The following SAMSN1 variants were observed in gnomAD, a reference collection of about 807,000 sequenced individuals.
SAMSN1 encodes the protein SAM domain-containing protein SAMSN-1.
SAMSN1 carries 31 observed loss-of-function variants against 42.0 expected under a neutral mutation model. That is an observed-to-expected ratio of 0.74 (90% CI 0.55 to 1.00). The LOEUF (loss-of-function observed/expected upper bound fraction) is 1.00. SAMSN1 is among the 50% of genes least tolerant of loss of function. The probability of loss-of-function intolerance (pLI) is 0.00; values close to 1 mark genes in which losing one functional copy is unlikely to be tolerated. For synonymous variants in SAMSN1, 178 were observed against 151.9 expected, an observed-to-expected ratio of 1.17 and a Z score of -1.26; for missense variants, 464 against 439.4, an observed-to-expected ratio of 1.06 and a Z score of -0.50.
intron 1 of SAMSN1, among the ~76,000 whole-genome samples, chr21:14,655,609 C>A (rs1359217851): frequency 1.3e-5 from 2 of 151,408 alleles, no homozygotes; most frequent in African/African-American, 2.4e-5. Flanking sequence ...AAAGTTTACC[C>A]ACGTCAAAAT....
At chr21:14,547,291 T>C (rs887014332), upstream of SAMSN1, among the ~76,000 whole-genome samples, 5 of 152,196 alleles carry the variant, frequency 3.3e-5, no homozygotes, top group African/African-American at 1.2e-4. Context: ...ATACTGATAA[T>C]TGCTGCCCTG....
At chr21:14,527,787 A>G (rs13048868) in intron 1 of SAMSN1, among the ~76,000 whole-genome samples, 1 of 150,604 alleles carries the variant, frequency 6.6e-6, no homozygotes, top group Non-Finnish European at 1.5e-5. Context: ...AAAAAAATGC[A>G]GAATGATCCA....
chr21:14,567,096 A>G (rs1186750657), intron 2 of SAMSN1, among the ~76,000 whole-genome samples: 3 of 152,154 alleles, frequency 2.0e-5, no homozygotes, highest in Non-Finnish European at 4.4e-5. Context: ...GCCTTCGGTC[A>G]TACAGAGTGG....
intron 2 of SAMSN1, among the ~76,000 whole-genome samples, chr21:14,578,549 G>T (rs942507453): frequency 1.6e-4 from 25 of 152,068 alleles, no homozygotes; most frequent in African/African-American, 6.0e-4. Flanking sequence ...CGGGCATGGT[G>T]GCGGGCACCT....
rs149170440 is a variant in SAMSN1, at chr21:14,639,779, G to A, written c.156+3223C>T. 3.6e-3 allele frequency among the ~76,000 whole-genome samples: 548 copies of A among 152,024 alleles called. 4 individuals are homozygous for A. Among genetic ancestry groups the A allele is most frequent in the Middle Eastern group, 0.014 (4 of 294 alleles). ...TTTTTTTCAGCGCATTTACTTAGCCGCATGCTTGTTCACTCCCGCTAGTTT... is the reference window on the plus strand; with the variant it reads ...TTTTTTTCAGCGCATTTACTTAGCCACATGCTTGTTCACTCCCGCTAGTTT... On this transcript the variant is annotated intron_variant, in intron 2 of 15. Coordinates refer to the SAMSN1 transcript ENST00000647101.
At chr21:14,533,777 A>G (rs1461130123) in intron 1 of SAMSN1, among the ~76,000 whole-genome samples, 2 of 152,232 alleles carry the variant, frequency 1.3e-5, no homozygotes, top group Non-Finnish European at 2.9e-5. Context: ...AAGAAACCCT[A>G]CACAGGACAC....
intron 1 of SAMSN1, among the ~76,000 whole-genome samples, chr21:14,653,645 G>A (rs1378815402): frequency 6.6e-6 from 1 of 151,976 alleles, no homozygotes; most frequent in Non-Finnish European, 1.5e-5. Flanking sequence ...ATAATTTAAA[G>A]GGTGTAAGTG....
At chr21:14,569,135 A>T (rs115841830) in intron 2 of SAMSN1, among the ~76,000 whole-genome samples, 1,939 of 152,130 alleles carry the variant, frequency 0.013, 28 homozygotes, top group African/African-American at 0.042. Flanking sequence ...TATTTAAAAA[A>T]AAAAATAAAA....
At chr21:14,539,646 A>G (rs1979872955) in intron 1 of SAMSN1, among the ~76,000 whole-genome samples, 1 of 152,068 alleles carries the variant, frequency 6.6e-6, no homozygotes, top group Non-Finnish European at 1.5e-5. Context: ...ATAAAAGAAG[A>G]TACAAACAAA....
At chr21:14,600,454 G>A (rs147870075) in intron 6 of SAMSN1, among the ~76,000 whole-genome samples, 2 of 152,254 alleles carry the variant, frequency 1.3e-5, no homozygotes, top group African/African-American at 4.8e-5. Context: ...GCTCCTGCTT[G>A]TCTGTCACTA....
chr21:14,651,249 A>G (rs1395049131), intron 1 of SAMSN1, among the ~76,000 whole-genome samples: 8 of 151,984 alleles, frequency 5.3e-5, no homozygotes, highest in Non-Finnish European at 1.0e-4. Context: ...CTACAGGCCA[A>G]TATTTCTGAT....
At chr21:14,594,802 T>C (rs146019542) in intron 6 of SAMSN1, 1 of 152,330 alleles carries the variant, frequency 6.6e-6, no homozygotes, top group East Asian at 1.9e-4. Context: ...TGTTGGAATG[T>C]AATACACAAT....
upstream of SAMSN1, among the ~76,000 whole-genome samples, chr21:14,585,024 G>A (rs1981874587): frequency 1.9e-5 from 1 of 52,142 alleles, no homozygotes; most frequent in Non-Finnish European, 4.7e-5. Context: ...TTTTGTCAGA[G>A]GAACCCTACC....
chr21:14,638,934 T>G (rs1216704771), intron 2 of SAMSN1, among the ~76,000 whole-genome samples: 3 of 152,216 alleles, frequency 2.0e-5, no homozygotes, highest in Admixed American at 2.0e-4. Flanking sequence ...AAGACTTTCT[T>G]TAGCTTGAGT....
intron 2 of SAMSN1, among the ~76,000 whole-genome samples, chr21:14,581,344 CTTTTTTTTTTTTTTTTTT>C (rs56728511): frequency 3.7e-4 from 12 of 32,596 alleles, no homozygotes; most frequent in African/African-American, 8.2e-4. Flanking sequence ...AATAATATTT[CTTTTTTTTTTTTTTTTTT>C]TTTTTTTTTT....
exon 2 of SAMSN1, chr21:14,582,359 C>T: frequency 3.2e-6 from 5 of 1,549,798 alleles, no homozygotes; most frequent in Non-Finnish European, 3.5e-6. Flanking sequence ...GCTGGATCTA[C>T]CCAGTGATGC....
chr21:14,570,542 G>A (rs1981266888), intron 2 of SAMSN1, among the ~76,000 whole-genome samples: 1 of 152,200 alleles, frequency 6.6e-6, no homozygotes, highest in African/African-American at 2.4e-5. Flanking sequence ...CTTCTCTGCT[G>A]TCATCTGTGA....
At chr21:14,563,301 G>A (rs1981004675) in intron 2 of SAMSN1, among the ~76,000 whole-genome samples, 1 of 152,104 alleles carries the variant, frequency 6.6e-6, no homozygotes, top group African/African-American at 2.4e-5. Flanking sequence ...TTAATTATAT[G>A]ACATAGCCAA....
intron 5 of SAMSN1, among the ~76,000 whole-genome samples, chr21:14,508,545 A>C (rs1600873360): frequency 6.6e-6 from 1 of 152,206 alleles, no homozygotes; most frequent in Admixed American, 6.5e-5. Flanking sequence ...CAATCAAAAA[A>C]TTAAAAAATT....
Sources: gnomAD v4.1 joint callset for allele counts (sites outside exome capture counted in the v4.1 genomes callset) on GRCh38, gnomAD v4.1.1 for gene constraint, MANE v1.5 for transcripts, NCBI Gene and HGNC (gene_info 2026-07-23, HGNC 2026-07-21) for gene names.